The following GALC variants were observed in gnomAD, a reference collection of about 807,000 sequenced individuals.
The protein encoded by GALC is galactocerebrosidase.
A neutral mutation model predicts 91.8 loss-of-function variants in GALC; 77 were observed. That is an observed-to-expected ratio of 0.84 (90% CI 0.70 to 1.01). GALC has a LOEUF of 1.01. Among genes scored for constraint, GALC ranks in the 50% least tolerant of loss-of-function variants. The pLI, the probability that GALC is intolerant of heterozygous loss-of-function variation, is 0.00. For synonymous variants in GALC, 357 were observed against 306.7 expected (o/e 1.16, Z -1.71); for missense variants, 882 against 855.9 (o/e 1.03, Z -0.38).
chr14:87,972,899 T>G (rs1460343376), intron 7 of GALC, among the ~76,000 whole-genome samples: 1 of 152,064 alleles, frequency 6.6e-6, no homozygotes, highest in Non-Finnish European at 1.5e-5. Flanking sequence ...TAAACCTTAC[T>G]GAAATAAGAA....
chr14:87,955,293 G>C (rs1373316351), intron 10 of GALC: 2 of 637,170 alleles, frequency 3.1e-6, no homozygotes, highest in East Asian at 5.5e-5. Context: ...TTTTTGCTTT[G>C]GATTTTTTAT....
intron 3 of GALC, 52 bp downstream of exon 3, chr14:87,988,092 G>C: frequency 1.5e-6 from 2 of 1,323,656 alleles, no homozygotes; most frequent in Non-Finnish European, 2.2e-6. Flanking sequence ...CATATGCTGA[G>C]GTATAGATTA....
chr14:87,983,812 C>G (rs1048757858), intron 5 of GALC, among the ~76,000 whole-genome samples: 2 of 152,102 alleles, frequency 1.3e-5, no homozygotes, highest in African/African-American at 4.8e-5. Flanking sequence ...GACAGGTGAA[C>G]GCAGATTTCA....
intron 10 of GALC, among the ~76,000 whole-genome samples, chr14:87,959,373 G>A (rs1169672641): frequency 6.6e-6 from 1 of 152,188 alleles, no homozygotes; most frequent in East Asian, 1.9e-4. Context: ...CATGTTGTTA[G>A]GGTTGTAAAT....
At chr14:87,966,376 G>C (rs1013973440) in intron 8 of GALC, among the ~76,000 whole-genome samples, 4 of 152,056 alleles carry the variant, frequency 2.6e-5, no homozygotes, top group African/African-American at 9.7e-5. Context: ...TTGACTCTCT[G>C]CTTCTCAGGA....
At chr14:87,988,596 A>C in intron 1 of GALC, 73 bp from the exon 2 acceptor site, 1 of 1,042,720 alleles carries the variant, frequency 9.6e-7, no homozygotes, top group Non-Finnish European at 1.5e-6. Context: ...GTGTTCACGC[A>C]CACCACCTGG....
chr14:87,983,398 C>T (rs2139746620), intron 5 of GALC, among the ~76,000 whole-genome samples: 1 of 152,236 alleles, frequency 6.6e-6, no homozygotes, highest in African/African-American at 2.4e-5. Flanking sequence ...CTAGTATATT[C>T]TTTCTTCTGA....
chr14:87,958,682 G>A (rs535764457), intron 10 of GALC, among the ~76,000 whole-genome samples: 3 of 152,188 alleles, frequency 2.0e-5, no homozygotes, highest in East Asian at 3.9e-4. Flanking sequence ...AGAAAGTCCA[G>A]AAATAAATTC....
intron 7 of GALC, among the ~76,000 whole-genome samples, chr14:87,974,269 CA>C (rs1886407662): frequency 6.6e-6 from 1 of 152,032 alleles, no homozygotes; most frequent in Non-Finnish European, 1.5e-5. Context: ...ATATATTAGG[CA>C]AATCCTAATG....
intron 14 of GALC, among the ~76,000 whole-genome samples, chr14:87,943,956 G>A (rs1566971157): frequency 6.6e-6 from 1 of 151,940 alleles, no homozygotes; most frequent in Admixed American, 6.6e-5. Flanking sequence ...CCTGAGCAGG[G>A]GAATAACATG....
chr14:87,993,280 A>T, upstream of GALC: 1 of 1,539,746 alleles, frequency 6.5e-7, no homozygotes, highest in Non-Finnish European at 8.7e-7. Context: ...GTGCGGGTCA[A>T]GGGCCTCTGA....
intron 10 of GALC, among the ~76,000 whole-genome samples, chr14:87,959,952 A>G (rs1301903166): frequency 3.3e-5 from 5 of 152,322 alleles, no homozygotes; most frequent in Non-Finnish European, 5.9e-5. Flanking sequence ...ACTATTAGTC[A>G]TAGAATGAAA....
Position 87,933,794 on chromosome 14 carries a change from A to C in GALC, c.*938T>G. 1.9e-6 allele frequency: 1 copy of C among 540,478 alleles called. No individual in the cohort carries two copies. The highest frequency in any genetic ancestry group is 3.0e-5 in the South Asian group (1 of 33,690). 33.5% of individuals were successfully genotyped at this position (540,478 alleles called of 1,614,324 possible). ...TATTTGGACTTTAAAAAGTAAGTAC[A>C]TCTTAGGAGATGATCCAATTCTGGG... On this transcript the variant is annotated 3_prime_UTR_variant, in exon 17 of 17. Transcript: ENST00000261304.
At chr14:87,968,836 C>T (rs1236492063) in intron 7 of GALC, among the ~76,000 whole-genome samples, 1 of 152,090 alleles carries the variant, frequency 6.6e-6, no homozygotes, top group African/African-American at 2.4e-5. Flanking sequence ...AGGGCCACAG[C>T]CTAGAACACT....
Position 87,952,468 on chromosome 14 carries a change from G to A in GALC, c.1162-1720C>T, listed in dbSNP as rs528359687. The A allele has an allele frequency of 6.1e-5, 33 of 537,122 alleles. No homozygotes were observed. In the South Asian group the frequency reaches 6.8e-4, roughly 11 times the overall value. The allele number at this position is 537,122 out of a possible 1,614,324, so 33.3% of individuals were successfully genotyped here. ...AAAAGAAACCAGTGGCTTCACTATA[G>A]GCATAAGCTAAACCACAACCCTGCC... On this transcript the variant is annotated intron_variant, in intron 10 of 16. Coordinates refer to ENST00000261304, the MANE Select transcript of GALC (RefSeq NM_000153.4).
Position 87,976,452 on chromosome 14 carries a change from G to C in GALC, c.658C>G (p.Arg220Gly). 2 of 1,612,804 alleles carry C rather than the reference G, an allele frequency of 1.2e-6. No individual in the cohort carries two copies. Among genetic ancestry groups the C allele is most frequent in the Non-Finnish European group, 1.7e-6 (2 of 1,178,840 alleles). ...TTATCACTTGCTATGATTTTCACTCGCTGGAGACCTTGATAATTCAGCATT... is the reference window on the plus strand; with the variant it reads ...TTATCACTTGCTATGATTTTCACTCCCTGGAGACCTTGATAATTCAGCATT... The part of the protein sequence containing the change: ...RKMLNYQGLQ[R>G]VKIIASDNLW... The change falls in exon 7 of 17, where the codon CGA (arginine) becomes GGA (glycine). Residue 220 changes from arginine (R) to glycine (G), a missense_variant. By Grantham distance (125) the Arg-to-Gly change is moderately radical (BLOSUM62 -2). Transcript: ENST00000261304.
chr14:87,947,021 C>T (rs566854623), intron 13 of GALC, among the ~76,000 whole-genome samples: 2 of 152,038 alleles, frequency 1.3e-5, no homozygotes, highest in East Asian at 3.9e-4. Flanking sequence ...GCAATGCCAG[C>T]TCCCTCCCTA....
rs566607785 is a variant in GALC, at chr14:87,992,761, C to G, written c.195+209G>C. ...CGGATCCTCATTTGTTCAAACCTAACTGCCTGTCTGGTTCGTGTTAAACGA... is the reference window on the plus strand; with the variant it reads ...CGGATCCTCATTTGTTCAAACCTAAGTGCCTGTCTGGTTCGTGTTAAACGA... On this transcript the variant is annotated intron_variant, in intron 1 of 16. Coordinates refer to ENST00000261304, the MANE Select transcript of GALC (RefSeq NM_000153.4). 3.5e-6 allele frequency: 5 copies of G among 1,418,568 alleles called. No individual in the cohort carries two copies. The East Asian group carries it at 1.3e-4, about 37-fold the overall frequency. The allele number at this position is 1,418,568 out of a possible 1,614,324, so 87.9% of individuals were successfully genotyped here.
intron 16 of GALC, among the ~76,000 whole-genome samples, chr14:87,936,354 C>T (rs1884566608): frequency 6.6e-6 from 1 of 152,026 alleles, no homozygotes; most frequent in Admixed American, 6.6e-5. Flanking sequence ...CTATGACCTA[C>T]ATGCCAACCG....
Sources: allele counts gnomAD v4.1 joint callset (sites outside exome capture counted in the v4.1 genomes callset), GRCh38; gene constraint gnomAD v4.1.1; transcripts MANE v1.5; gene names NCBI Gene and HGNC (gene_info 2026-07-23, HGNC 2026-07-21).